The following MAPK8 variants were observed in gnomAD, a reference collection of about 807,000 sequenced individuals.
MAPK8 encodes the protein mitogen-activated protein kinase 8, also known as JUN N-terminal kinase.
MAPK8 carries 13 observed loss-of-function variants against 52.9 expected under a neutral mutation model. The ratio of observed to expected loss-of-function variants is 0.25; its 90% CI spans 0.16 to 0.39. The LOEUF is 0.39. MAPK8 is among the 10% of genes least tolerant of loss of function. The pLI is 1.00. For synonymous variants in MAPK8, 191 were observed against 169.8 expected, an observed-to-expected ratio of 1.12 and a Z score of -0.97; for missense variants, 300 against 519.2, an observed-to-expected ratio of 0.58 and a Z score of 4.10.
chr10:48,334,524 G>A (rs1287507341), intron 1 of MAPK8, among the ~76,000 whole-genome samples: 1 of 152,106 alleles, frequency 6.6e-6, no homozygotes, highest in Admixed American at 6.5e-5. Flanking sequence ...AGGTTTCCTG[G>A]TTGCTGCAGT....
At chr10:48,380,070 C>T (rs952731605) in intron 1 of MAPK8, among the ~76,000 whole-genome samples, 24 of 151,714 alleles carry the variant, frequency 1.6e-4, no homozygotes, top group Admixed American at 2.0e-4. Flanking sequence ...GATGAAACAC[C>T]GTCTTTAATA....
intron 5 of MAPK8, among the ~76,000 whole-genome samples, chr10:48,416,319 C>T (rs1289451522): frequency 6.6e-6 from 1 of 152,146 alleles, no homozygotes; most frequent in Non-Finnish European, 1.5e-5. Flanking sequence ...AAGTGACACA[C>T]ATGACTTCTG....
intron 2 of MAPK8, among the ~76,000 whole-genome samples, chr10:48,402,250 C>A (rs2042197881): frequency 6.6e-6 from 1 of 152,140 alleles, no homozygotes; most frequent in Non-Finnish European, 1.5e-5. Flanking sequence ...TTGGGCATAG[C>A]CATTGAAGAC....
intron 1 of MAPK8, among the ~76,000 whole-genome samples, chr10:48,379,948 A>AC (rs1373654933): frequency 6.6e-6 from 1 of 151,380 alleles, no homozygotes; most frequent in Non-Finnish European, 1.5e-5. Flanking sequence ...TAAAAAAAAA[A>AC]AAAAAAAAAA....
rs898877214 is a variant in MAPK8, at chr10:48,439,308, T to C, written c.*4279T>C. On this transcript the variant is annotated 3_prime_UTR_variant, in exon 12 of 12. Transcript: ENST00000374189. ...TAAACAATGTTATCTAGTATGTCAA[T>C]TGGTTATAATATTTTAAATAAAAAA... 2.0e-5 allele frequency: 3 copies of C among 149,678 alleles called. No individual in the cohort carries two copies. The highest frequency in any genetic ancestry group is 3.0e-5 in the Non-Finnish European group (2 of 67,708). 9.3% of individuals were successfully genotyped at this position (149,678 alleles called of 1,614,324 possible).
At chr10:48,419,002 A>G (rs2043207566) in intron 5 of MAPK8, among the ~76,000 whole-genome samples, 1 of 152,204 alleles carries the variant, frequency 6.6e-6, no homozygotes, top group African/African-American at 2.4e-5. Context: ...TTGCTGAGGT[A>G]CTGTATTTTA....
At chr10:48,394,896 TG>T (rs2041814951) in intron 1 of MAPK8, among the ~76,000 whole-genome samples, 1 of 151,894 alleles carries the variant, frequency 6.6e-6, no homozygotes, top group African/African-American at 2.4e-5. Context: ...ATACTAGTAA[TG>T]GGTAATTGGA....
At chr10:48,434,675 C>T (rs1193211232) in intron 11 of MAPK8, among the ~76,000 whole-genome samples, 4 of 152,142 alleles carry the variant, frequency 2.6e-5, no homozygotes, top group Admixed American at 2.0e-4. Flanking sequence ...TAGGACTCCA[C>T]GATTCTAGAC....
chr10:48,331,385 C>G (rs1338906773), intron 1 of MAPK8, among the ~76,000 whole-genome samples: 1 of 152,204 alleles, frequency 6.6e-6, no homozygotes, highest in Admixed American at 6.5e-5. Flanking sequence ...GTAGCCCATC[C>G]CAGCCATATT....
chr10:48,437,772 C>G lies in MAPK8; in HGVS notation c.*2743C>G, dbSNP rs955586460. ...GGCACAGTGTGTTCATGCCAGACTT[C>G]TAAGAGAAACACCAGCCTCTTAAAT... On this transcript the variant is annotated 3_prime_UTR_variant, in exon 12 of 12. Coordinates refer to ENST00000374189, the MANE Select transcript of MAPK8 (RefSeq NM_001323329.2). The G allele has an allele frequency of 2.6e-5, 4 of 152,226 alleles. No homozygotes were observed. Among genetic ancestry groups the G allele is most frequent in the African/African-American group, 9.6e-5 (4 of 41,458 alleles). 9.4% of individuals were successfully genotyped at this position (152,226 alleles called of 1,614,324 possible). A position where few individuals can be genotyped will look rare whatever the true frequency, so the allele number is the denominator to read the frequency against.
At chr10:48,384,359 G>A (rs946983750) in intron 1 of MAPK8, among the ~76,000 whole-genome samples, 1 of 152,222 alleles carries the variant, frequency 6.6e-6, no homozygotes, top group Non-Finnish European at 1.5e-5. Context: ...CAGGTACAGT[G>A]AGGTAAAGAC....
chr10:48,355,703 C>A (rs1403624428), intron 1 of MAPK8, among the ~76,000 whole-genome samples: 1 of 152,036 alleles, frequency 6.6e-6, no homozygotes, highest in East Asian at 1.9e-4. Flanking sequence ...TGGTAAACAA[C>A]AGTTAAAAGA....
intron 1 of MAPK8, among the ~76,000 whole-genome samples, chr10:48,367,886 A>G (rs1848204671): frequency 6.6e-6 from 1 of 152,198 alleles, no homozygotes; most frequent in Non-Finnish European, 1.5e-5. Flanking sequence ...AAAGCTTAAT[A>G]TGGTCCAGGA....
intron 11 of MAPK8, among the ~76,000 whole-genome samples, chr10:48,433,502 C>G (rs1284125866): frequency 6.6e-6 from 1 of 152,140 alleles, no homozygotes; most frequent in Non-Finnish European, 1.5e-5. Flanking sequence ...GACTGGGAAG[C>G]TAATGGACCT....
intron 1 of MAPK8, among the ~76,000 whole-genome samples, chr10:48,363,397 T>C (rs959463946): frequency 6.6e-6 from 1 of 152,232 alleles, no homozygotes; most frequent in Non-Finnish European, 1.5e-5. Flanking sequence ...TCTTTCTTAT[T>C]TTCTGTAATG....
At position 48,408,699 on chromosome 10, in the gene MAPK8, A is replaced by G. The variant is rs530796916; in HGVS notation, c.253-1180A>G. Among the ~76,000 whole-genome samples, 6 of 152,298 alleles carry G rather than the reference A, an allele frequency of 3.9e-5. No homozygotes were observed. The South Asian group carries it at 1.0e-3, about 26-fold the overall frequency. On this transcript the variant is annotated intron_variant, in intron 3 of 11. Transcript: ENST00000374189. ...GTAAATGGTAGCTGGATTTGTAGAA[A>G]ACCATCGTTAGTGACCCTTAATCAG... is the stretch of plus-strand genomic sequence containing the variant.
rs2044217820 is a variant in MAPK8, at chr10:48,431,209, A to G, written c.1077A>G (p.Glu359=). Residue 359 remains glutamate (E), a synonymous_variant, in exon 11 of 12, where the codon GAA becomes GAG. Transcript: ENST00000374189. ...CTTTTACAGAATTGATATATAAGGA[A>G]GTTATGGACTTGGAGGAGAGAACCA... ...IEEWKELIYK[E]VMDLEERTKN... 2 of 1,609,178 alleles carry G rather than the reference A, an allele frequency of 1.2e-6. No homozygotes were observed. Among genetic ancestry groups the G allele is most frequent in the East Asian group, 4.5e-5 (2 of 44,824 alleles).
chr10:48,349,315 A>G (rs981168395), intron 1 of MAPK8, among the ~76,000 whole-genome samples: 25 of 152,170 alleles, frequency 1.6e-4, no homozygotes, highest in African/African-American at 5.8e-4. Flanking sequence ...AATCAACAGA[A>G]TATACACTCT....
chr10:48,376,918 G>A (rs2040699461), intron 1 of MAPK8, among the ~76,000 whole-genome samples: 1 of 152,144 alleles, frequency 6.6e-6, no homozygotes, highest in African/African-American at 2.4e-5. Flanking sequence ...ACATGCACAT[G>A]TATGTTTATT....
Sources: allele counts gnomAD v4.1 joint callset (sites outside exome capture counted in the v4.1 genomes callset), GRCh38; gene constraint gnomAD v4.1.1; transcripts MANE v1.5; gene names NCBI Gene and HGNC (gene_info 2026-07-23, HGNC 2026-07-21).